The following TOM1L1 variants were observed in gnomAD, a reference collection of about 807,000 sequenced individuals.
The protein encoded by TOM1L1 is target of myb1 like 1 membrane trafficking protein, also known as TOM1-like protein 1.
A neutral mutation model predicts 63.4 loss-of-function variants in TOM1L1; 64 were observed. That is an observed-to-expected ratio of 1.01 (90% CI 0.83 to 1.24). The LOEUF (loss-of-function observed/expected upper bound fraction) is 1.24, where lower values mean the gene tolerates loss of function less well. TOM1L1 is among the 50% of genes most tolerant of loss of function. The pLI is 0.00. For synonymous variants in TOM1L1, 166 were observed against 194.4 expected (o/e 0.85, Z 1.22); for missense variants, 536 against 567.0 (o/e 0.95, Z 0.55).
At chr17:54,907,266 A>G (rs769428443) in intron 3 of TOM1L1, among the ~76,000 whole-genome samples, 8 of 151,732 alleles carry the variant, frequency 5.3e-5, no homozygotes, top group African/African-American at 1.9e-4. Context: ...ATGATGGGTC[A>G]CTGATAGAAA....
intron 14 of TOM1L1, chr17:54,959,365 C>T (rs2077048516): frequency 6.6e-6 from 1 of 152,128 alleles, no homozygotes; most frequent in South Asian, 2.1e-4. Flanking sequence ...CTAATCCCAA[C>T]ATTTTGAGAG....
chr17:54,961,028 C>T, intron 15 of TOM1L1: 2 of 583,622 alleles, frequency 3.4e-6, no homozygotes, highest in Non-Finnish European at 6.0e-6. Flanking sequence ...ACTACTAATC[C>T]CATGTATTTA....
chr17:54,944,174 G>C lies in TOM1L1; in HGVS notation c.1131-3087G>C, dbSNP rs1179658252. The stretch of plus-strand genomic sequence containing the variant: ...CAAAGAATTCAAGAAGTGGCCGGGC[G>C]TGGTGGCTCATGCCTGTAATCCCAA... On this transcript the variant is annotated intron_variant, in intron 11 of 15. Coordinates refer to ENST00000575882, the MANE Select transcript of TOM1L1 (RefSeq NM_005486.3). Among the ~76,000 whole-genome samples the C allele has an allele frequency of 2.6e-5, 4 of 152,112 alleles. No homozygotes were observed. In the South Asian group the frequency reaches 6.2e-4, roughly 24 times the overall value.
At chr17:54,944,485 CTATTA>C (rs1036333405) in intron 11 of TOM1L1, among the ~76,000 whole-genome samples, 1 of 151,716 alleles carries the variant, frequency 6.6e-6, no homozygotes, top group Non-Finnish European at 1.5e-5. Flanking sequence ...GAAAAATAGT[CTATTA>C]TATTTACCCA....
rs2077117055 is a variant in TOM1L1 at position 54,961,257 on chromosome 17, C to G, written c.*24C>G. 1 of 1,550,300 alleles carries G rather than the reference C, an allele frequency of 6.5e-7. No homozygotes were observed. The highest frequency in any genetic ancestry group is 8.7e-7 in the Non-Finnish European group (1 of 1,145,760). Reference sequence around the variant, plus strand: ...TAGAAGAAAGTGGATGATCAGCTCACTACCACATCAAAGGTGCCAACTCTC... The same window carrying G: ...TAGAAGAAAGTGGATGATCAGCTCAGTACCACATCAAAGGTGCCAACTCTC... On this transcript the variant is annotated 3_prime_UTR_variant, in exon 16 of 16. Coordinates refer to ENST00000575882, the MANE Select transcript of TOM1L1 (RefSeq NM_005486.3).
Position 54,937,105 on chromosome 17 carries a change from T to C in TOM1L1, c.916-4T>C. The C allele has an allele frequency of 6.2e-7, 1 of 1,608,740 alleles. No homozygotes were observed. Among genetic ancestry groups the C allele is most frequent in the Non-Finnish European group, 8.5e-7 (1 of 1,176,566 alleles). The stretch of plus-strand genomic sequence containing the variant: ...ACTTTTTTTTTTTTTTGCTTTGTTT[T>C]CAGACTACCAGTGAGCCTTCTGCCC... On this transcript the variant is annotated splice_region_variant and splice_polypyrimidine_tract_variant and intron_variant, in intron 9 of 15. Transcript: ENST00000575882.
chr17:54,952,741 A>C (rs2049299953), intron 14 of TOM1L1: 1 of 152,100 alleles, frequency 6.6e-6, no homozygotes, highest in Non-Finnish European at 1.5e-5. Context: ...ACAATTATCT[A>C]GTACCGCATT....
intron 3 of TOM1L1, among the ~76,000 whole-genome samples, chr17:54,905,871 C>A (rs757291696): frequency 1.9e-4 from 29 of 152,154 alleles, no homozygotes; most frequent in Non-Finnish European, 3.8e-4. Flanking sequence ...GTGAACTGAT[C>A]AAGAAGTTTG....
chr17:54,921,738 A>G (rs1465448385), intron 7 of TOM1L1, among the ~76,000 whole-genome samples: 2 of 152,136 alleles, frequency 1.3e-5, no homozygotes, highest in Non-Finnish European at 2.9e-5. Context: ...CTCAAAAAAT[A>G]AAAATAAAAT....
At chr17:54,928,764 G>T (rs750585846) in intron 7 of TOM1L1, among the ~76,000 whole-genome samples, 1 of 152,120 alleles carries the variant, frequency 6.6e-6, no homozygotes, top group Non-Finnish European at 1.5e-5. Flanking sequence ...TTTTCTGGCC[G>T]CATGTTGCAA....
At chr17:54,959,715 T>C (rs1475338378) in intron 14 of TOM1L1, among the ~76,000 whole-genome samples, 2 of 150,930 alleles carry the variant, frequency 1.3e-5, no homozygotes, top group African/African-American at 4.9e-5. Flanking sequence ...CCTCCTAGGC[T>C]CCAGTGATCC....
intron 3 of TOM1L1, among the ~76,000 whole-genome samples, chr17:54,909,646 A>G (rs1002497800): frequency 6.6e-6 from 1 of 152,190 alleles, no homozygotes; most frequent in Non-Finnish European, 1.5e-5. Flanking sequence ...GGGCCTTACA[A>G]CAAGTCTCTA....
chr17:54,943,996 ATACAT>A (rs1397674656), intron 11 of TOM1L1, among the ~76,000 whole-genome samples: 2 of 138,038 alleles, frequency 1.4e-5, no homozygotes, highest in Non-Finnish European at 1.6e-5. Context: ...AAATAAATAA[ATACAT>A]AAATAAATAA....
Position 54,937,212 on chromosome 17 carries a change from A to G in TOM1L1, c.1019A>G (p.Gln340Arg). The G allele has an allele frequency of 6.2e-7, 1 of 1,612,462 alleles. No individual in the cohort carries two copies. The highest frequency in any genetic ancestry group is 8.5e-7 in the Non-Finnish European group (1 of 1,178,606). ...TLGELNTMNN[Q>R]LSGLNFSLPS... Reference sequence around the variant, plus strand: ...GGAGAACTCAACACCATGAATAATCAACTTTCAGGCTTAAGTAAATAAACA... The same window carrying G: ...GGAGAACTCAACACCATGAATAATCGACTTTCAGGCTTAAGTAAATAAACA... The change falls in exon 10 of 16, where the codon CAA (glutamine) becomes CGA (arginine). Residue 340 changes from glutamine (Q) to arginine (R), a missense_variant. Gln to Arg is a conservative substitution (Grantham distance 43, BLOSUM62 1). Coordinates refer to ENST00000575882, the MANE Select transcript of TOM1L1 (RefSeq NM_005486.3).
chr17:54,918,476 G>A (rs552825720), intron 7 of TOM1L1, among the ~76,000 whole-genome samples: 2 of 152,268 alleles, frequency 1.3e-5, no homozygotes, highest in African/African-American at 4.8e-5. Context: ...CACAACGTGG[G>A]AGTATAAAAT....
At chr17:54,946,902 A>G (rs944646484) in intron 11 of TOM1L1, among the ~76,000 whole-genome samples, 2 of 152,214 alleles carry the variant, frequency 1.3e-5, no homozygotes, top group Non-Finnish European at 2.9e-5. Context: ...AGAGTGCAGT[A>G]CGTTTGCTCC....
intron 7 of TOM1L1, 30 bp from the exon 8 acceptor site, chr17:54,930,043 A>G (rs896188173): frequency 1.9e-6 from 3 of 1,613,590 alleles, no homozygotes; most frequent in Middle Eastern, 1.6e-4. Context: ...CCAAGTGTGG[A>G]AGAAGAAATC....
At chr17:54,938,493 CAA>C (rs34581628) in intron 10 of TOM1L1, 58 of 71,114 alleles carry the variant, frequency 8.2e-4, no homozygotes, top group Middle Eastern at 7.4e-3. Flanking sequence ...GACTCCATCT[CAA>C]AAAAAAAAAA....
In TOM1L1 at chr17:54,909,476, C is replaced by T. The variant is rs185549464; in HGVS notation, c.223-3190C>T. ...GGTTTGGAAATTTACAGTGAGAAAACTGTCAACTACCTCTTTTTCTTCCAG... is the reference window on the plus strand; with the variant it reads ...GGTTTGGAAATTTACAGTGAGAAAATTGTCAACTACCTCTTTTTCTTCCAG... On this transcript the variant is annotated intron_variant, in intron 3 of 15. Transcript: ENST00000575882. Among the ~76,000 whole-genome samples, 336 of 152,278 alleles carry T rather than the reference C, an allele frequency of 2.2e-3. 3 individuals carry two copies. The highest frequency in any genetic ancestry group is 0.014 in the Middle Eastern group (4 of 294).
Sources: gnomAD v4.1 joint callset for allele counts (sites outside exome capture counted in the v4.1 genomes callset) on GRCh38, gnomAD v4.1.1 for gene constraint, MANE v1.5 for transcripts, NCBI Gene and HGNC (gene_info 2026-07-23, HGNC 2026-07-21) for gene names.